The following ZNF253 variants were observed in gnomAD, a reference collection of about 807,000 sequenced individuals.
The protein encoded by ZNF253 is DNA-binding protein.
ZNF253 carries 8 observed loss-of-function variants against 11.9 expected under a neutral mutation model. The ratio of observed to expected loss-of-function variants is 0.67; its 90% CI spans 0.40 to 1.22. The LOEUF is 1.22. Among genes scored for constraint, ZNF253 ranks in the 50% most tolerant of loss-of-function variants. ZNF253 has a pLI of 0.01. For missense variants in ZNF253, 485 were observed against 586.9 expected, an observed-to-expected ratio of 0.83 and a Z score of 1.79; for synonymous variants, 194 against 194.9, an observed-to-expected ratio of 1.00 and a Z score of 0.04.
At chr19:19,873,296 C>A (rs562395532) in intron 1 of ZNF253, among the ~76,000 whole-genome samples, 3 of 149,574 alleles carry the variant, frequency 2.0e-5, no homozygotes, top group Admixed American at 6.6e-5. Flanking sequence ...CTTTCTCTTA[C>A]CCAAAGAGCT....
intron 1 of ZNF253, among the ~76,000 whole-genome samples, chr19:19,866,522 G>T (rs2063111882): frequency 6.7e-6 from 1 of 149,816 alleles, no homozygotes; most frequent in Admixed American, 6.7e-5. Flanking sequence ...TTTTGAGGCG[G>T]AGTTTTGCTC....
At chr19:19,883,720 A>G (rs186992382) in intron 3 of ZNF253, among the ~76,000 whole-genome samples, 77 of 152,304 alleles carry the variant, frequency 5.1e-4, no homozygotes, top group African/African-American at 1.4e-3. Flanking sequence ...GCCCTGACAG[A>G]CAAACCTTCA....
chr19:19,886,647 A>C lies in ZNF253; in HGVS notation c.227-4827A>C, dbSNP rs190144017. ...CCTCACACTTGCTCTGTCTCTTACC[A>C]TATAACATGTCCAGTTACTCTTTAC... On this transcript the variant is annotated intron_variant, in intron 3 of 3. Coordinates refer to ENST00000589717, the MANE Select transcript of ZNF253 (RefSeq NM_021047.3). Among the ~76,000 whole-genome samples, 121 of 152,336 alleles carry C rather than the reference A, an allele frequency of 7.9e-4. 1 individual carries two copies. The highest frequency in any genetic ancestry group is 1.3e-3 in the Non-Finnish European group (88 of 68,026).
intron 3 of ZNF253, among the ~76,000 whole-genome samples, chr19:19,890,503 T>TGTGTGTGC (rs2063224284): frequency 8.1e-6 from 1 of 123,318 alleles, no homozygotes; most frequent in African/African-American, 3.1e-5. Context: ...TATATTTGTG[T>TGTGTGTGC]GTGTGTGTGT....
Position 19,865,943 on chromosome 19 carries a change from C to T in ZNF253, c.-54C>T, listed in dbSNP as rs934913715. The T allele has an allele frequency of 1.9e-6, 3 of 1,613,506 alleles. No individual in the cohort carries two copies. The highest frequency in any genetic ancestry group is 2.7e-5 in the African/African-American group (2 of 75,032). On this transcript the variant is annotated 5_prime_UTR_variant, in exon 1 of 4. Coordinates refer to ENST00000589717, the MANE Select transcript of ZNF253 (RefSeq NM_021047.3). ...GGCCCGTCCTCTGTGGCCGTGTGACCTGCAAGTATTGGGAGAGCCACAGCT... is the reference window on the plus strand; with the variant it reads ...GGCCCGTCCTCTGTGGCCGTGTGACTTGCAAGTATTGGGAGAGCCACAGCT...
At chr19:19,888,489 A>G (rs2063215705) in intron 3 of ZNF253, among the ~76,000 whole-genome samples, 2 of 145,062 alleles carry the variant, frequency 1.4e-5, no homozygotes, top group African/African-American at 2.6e-5. Flanking sequence ...TCTTTTGTGT[A>G]TCTAGGCAGG....
At chr19:19,869,695 A>G (rs1348406258) in intron 1 of ZNF253, among the ~76,000 whole-genome samples, 2 of 113,044 alleles carry the variant, frequency 1.8e-5, no homozygotes, top group Admixed American at 2.1e-4. Context: ...TTTAAAAAAC[A>G]GTCTTACTCT....
intron 3 of ZNF253, among the ~76,000 whole-genome samples, chr19:19,881,555 G>T (rs1345972792): frequency 6.6e-6 from 1 of 151,464 alleles, no homozygotes; most frequent in Non-Finnish European, 1.5e-5. Context: ...AGGCTGAGAT[G>T]GGAGAATCGC....
chr19:19,867,816 T>C (rs1469882476), intron 1 of ZNF253, among the ~76,000 whole-genome samples: 2 of 152,204 alleles, frequency 1.3e-5, no homozygotes, highest in Non-Finnish European at 2.9e-5. Flanking sequence ...AATTATGAGG[T>C]AGAGTATAAG....
chr19:19,876,269 A>C (rs2063155728), intron 1 of ZNF253, among the ~76,000 whole-genome samples: 1 of 150,298 alleles, frequency 6.7e-6, no homozygotes, highest in Admixed American at 6.6e-5. Flanking sequence ...CATAAAGTGG[A>C]GTCAAAATTA....
At position 19,877,282 on chromosome 19, in the gene ZNF253, G is replaced by A. The variant is rs561174391; in HGVS notation, c.4-1199G>A. On this transcript the variant is annotated intron_variant, in intron 1 of 3. Coordinates refer to ENST00000589717, the MANE Select transcript of ZNF253 (RefSeq NM_021047.3). ...ACATAGGAGTTATCTATATTTTGAA[G>A]TTAGCATAAAACATGTTTCTTTATG... Among the ~76,000 whole-genome samples, 4 of 152,244 alleles carry A rather than the reference G, an allele frequency of 2.6e-5. No homozygotes were observed. In the East Asian group the frequency reaches 7.7e-4, roughly 29 times the overall value.
chr19:19,875,284 A>G (rs2063150264), intron 1 of ZNF253, among the ~76,000 whole-genome samples: 2 of 152,228 alleles, frequency 1.3e-5, no homozygotes, highest in South Asian at 4.1e-4. Context: ...GAGACATTCT[A>G]TTTAGCAACT....
intron 3 of ZNF253, among the ~76,000 whole-genome samples, chr19:19,886,209 T>C (rs1182706988): frequency 6.6e-6 from 1 of 152,172 alleles, no homozygotes; most frequent in Admixed American, 6.5e-5. Flanking sequence ...CCCAGGCTGG[T>C]TTCAAACTTT....
chr19:19,893,286 T>G lies in ZNF253; in HGVS notation c.*539T>G, dbSNP rs1255509202. ...AGCCACCATGCCTGGCTACAAGTTC[T>G]TAATTCTTAAGAGACACCATGCCTG... On this transcript the variant is annotated 3_prime_UTR_variant, in exon 4 of 4. Coordinates refer to ENST00000589717, the MANE Select transcript of ZNF253 (RefSeq NM_021047.3). 1.5e-5 allele frequency: 1 copy of G among 65,186 alleles called. No individual in the cohort carries two copies. Among genetic ancestry groups the G allele is most frequent in the Non-Finnish European group, 2.5e-5 (1 of 39,682 alleles). The allele number at this position is 65,186 out of a possible 1,614,324, so 4.0% of individuals were successfully genotyped here.
chr19:19,885,417 G>A (rs1333728778), intron 3 of ZNF253, among the ~76,000 whole-genome samples: 1 of 141,292 alleles, frequency 7.1e-6, no homozygotes, highest in African/African-American at 2.7e-5. Context: ...CTTAGATGGA[G>A]TCTTGCTCTG....
At chr19:19,878,420 A>C (rs2063164189) in intron 1 of ZNF253, 61 bp from the exon 2 acceptor site, 1 of 1,611,568 alleles carries the variant, frequency 6.2e-7, no homozygotes, top group East Asian at 2.2e-5. Context: ...TTTCACCTTA[A>C]GTCAAATTAA....
intron 1 of ZNF253, among the ~76,000 whole-genome samples, chr19:19,874,940 C>CT (rs1240416851): frequency 5.9e-5 from 9 of 152,062 alleles, no homozygotes; most frequent in Non-Finnish European, 1.2e-4. Flanking sequence ...TACAGAAACT[C>CT]TGAGATTTAA....
At position 19,892,394 on chromosome 19, in the gene ZNF253, C is replaced by CT. The variant is rs2063236265; in HGVS notation, c.1153dup (p.Ser385PhefsTer3). 2.5e-6 allele frequency: 4 copies of CT among 1,613,812 alleles called. No homozygotes were observed. The highest frequency in any genetic ancestry group is 2.2e-5 in the South Asian group (2 of 91,064). ...CAAAGCTTTTAACCATTCCACAACC[C>CT]TTTTTTCACATGAGAAAATTCATAC... On this transcript the variant is annotated frameshift_variant, in exon 4 of 4. Transcript: ENST00000589717. LOFTEE classifies it low-confidence loss of function (END_TRUNC).
chr19:19,888,007 A>C (rs2063213335), intron 3 of ZNF253, among the ~76,000 whole-genome samples: 1 of 151,924 alleles, frequency 6.6e-6, no homozygotes, highest in African/African-American at 2.4e-5. Flanking sequence ...CTGGAAAGAT[A>C]ATTATATATA....
Sources: allele counts gnomAD v4.1 joint callset (sites outside exome capture counted in the v4.1 genomes callset), GRCh38; gene constraint gnomAD v4.1.1; transcripts MANE v1.5; gene names NCBI Gene and HGNC (gene_info 2026-07-23, HGNC 2026-07-21).